Variants in PRSS3 observed in about 807,000 individuals in gnomAD.
The protein encoded by PRSS3 is trypsin-3.
In PRSS3, 14 loss-of-function variants were observed where a neutral mutation model predicts 20.8. The ratio of observed to expected loss-of-function variants is 0.67; its 90% CI spans 0.44 to 1.05. The LOEUF (loss-of-function observed/expected upper bound fraction) is 1.05. Among genes scored for constraint, PRSS3 ranks in the 50% least tolerant of loss-of-function variants. PRSS3 has a pLI of 0.00. For missense variants in PRSS3, 237 were observed against 306.4 expected, an observed-to-expected ratio of 0.77 and a Z score of 1.69; for synonymous variants, 91 against 117.6, an observed-to-expected ratio of 0.77 and a Z score of 1.46.
chr9:33,788,919 C>T, intron 1 of PRSS3, among the ~76,000 whole-genome samples: 1 of 152,192 alleles, frequency 6.6e-6, no homozygotes, highest in Non-Finnish European at 1.5e-5. Flanking sequence ...ATTCACACCT[C>T]AGCTCCAGTA....
At chr9:33,774,039 A>G (rs1461560903) in intron 1 of PRSS3, among the ~76,000 whole-genome samples, 6 of 152,220 alleles carry the variant, frequency 3.9e-5, no homozygotes, top group African/African-American at 1.2e-4. Flanking sequence ...ATATTAGGAA[A>G]CATTCCTTAA....
chr9:33,760,828 C>A (rs531357168), intron 1 of PRSS3, among the ~76,000 whole-genome samples: 1 of 151,698 alleles, frequency 6.6e-6, no homozygotes, highest in African/African-American at 2.4e-5. Flanking sequence ...TAGCAGCATT[C>A]AGGCTAGGAC....
rs1228540034 is a variant in PRSS3 at position 33,798,997 on chromosome 9, C to T, written c.592-31C>T. The T allele has an allele frequency of 9.3e-6, 15 of 1,610,474 alleles. No individual in the cohort carries two copies. The African/African-American group carries it at 1.6e-4, about 17-fold the overall frequency. ...AGCTATATTCCTCCTCCATCTCTCT[C>T]TTTATACAACTTGTCCCTTCTTCTC... On this transcript the variant is annotated intron_variant, in intron 4 of 4. Transcript: ENST00000379405.
chr9:33,756,774 A>C (rs1822970077), intron 1 of PRSS3, among the ~76,000 whole-genome samples: 1 of 152,112 alleles, frequency 6.6e-6, no homozygotes, highest in Admixed American at 6.5e-5. Flanking sequence ...TTTCTCTGAG[A>C]ATATTAACTC....
upstream of PRSS3, among the ~76,000 whole-genome samples, chr9:33,791,167 C>A (rs1824615568): frequency 6.6e-6 from 1 of 152,200 alleles, no homozygotes. Context: ...GTACACATGT[C>A]ATGTGCCAAT....
At chr9:33,750,682 T>C, upstream of PRSS3, 1 of 1,452,682 alleles carries the variant, frequency 6.9e-7, no homozygotes, top group Non-Finnish European at 9.0e-7. The surrounding 1 kb of genome is among the most constrained non-coding windows in gnomAD (Gnocchi z 4.8). Flanking sequence ...TGGACGCACT[T>C]GGCGAGCGGC....
At chr9:33,764,423 C>G (rs1823332693) in intron 1 of PRSS3, among the ~76,000 whole-genome samples, 1 of 152,164 alleles carries the variant, frequency 6.6e-6, no homozygotes, top group African/African-American at 2.4e-5. Context: ...ATCCCAGCTA[C>G]TCAGGAGGCT....
At chr9:33,777,833 A>G (rs1292133499) in intron 1 of PRSS3, among the ~76,000 whole-genome samples, 1 of 152,144 alleles carries the variant, frequency 6.6e-6, no homozygotes, top group African/African-American at 2.4e-5. Flanking sequence ...AAAAACATCT[A>G]TTAGTTGCAA....
intron 1 of PRSS3, among the ~76,000 whole-genome samples, chr9:33,784,468 G>A (rs1206742268): frequency 6.6e-6 from 1 of 152,182 alleles, no homozygotes; most frequent in Non-Finnish European, 1.5e-5. Flanking sequence ...TCCAATAGAT[G>A]TAAAGGCTTC....
chr9:33,756,660 T>C (rs1480762007), intron 1 of PRSS3, among the ~76,000 whole-genome samples: 2 of 152,230 alleles, frequency 1.3e-5, no homozygotes, highest in African/African-American at 4.8e-5. Flanking sequence ...CATTCTACCA[T>C]TACATTTTTA....
chr9:33,770,123 C>T (rs138269358), intron 1 of PRSS3, among the ~76,000 whole-genome samples: 39 of 143,712 alleles, frequency 2.7e-4, no homozygotes, highest in African/African-American at 9.2e-4. Context: ...CCAGCCTGGG[C>T]GACAAGGGTG....
intron 1 of PRSS3, among the ~76,000 whole-genome samples, chr9:33,771,733 T>C (rs10971695): frequency 0.71 from 105,347 of 147,758 alleles, 37,707 homozygotes; most frequent in East Asian, 0.81. Context: ...CTCAACCTCC[T>C]GAGTAGCTGG....
intron 1 of PRSS3, among the ~76,000 whole-genome samples, chr9:33,771,812 TG>T (rs1312055976): frequency 5.9e-5 from 9 of 151,388 alleles, no homozygotes; most frequent in African/African-American, 2.2e-4. Flanking sequence ...TTTGTTTTTT[TG>T]TTTTTTTGGT....
At chr9:33,782,559 T>G (rs1057270971) in intron 1 of PRSS3, among the ~76,000 whole-genome samples, 1 of 152,122 alleles carries the variant, frequency 6.6e-6, no homozygotes, top group Non-Finnish European at 1.5e-5. Context: ...ACACTTGGAG[T>G]ACTTTCACTA....
chr9:33,762,676 A>G (rs1161783271), intron 1 of PRSS3, among the ~76,000 whole-genome samples: 2 of 152,176 alleles, frequency 1.3e-5, no homozygotes, highest in East Asian at 3.8e-4. Context: ...TTCCTTACTG[A>G]CCAAACACAT....
chr9:33,791,684 T>C (rs1824636752), upstream of PRSS3, among the ~76,000 whole-genome samples: 1 of 152,184 alleles, frequency 6.6e-6, no homozygotes. Flanking sequence ...TAAGCAGCTC[T>C]AATAGGCCAA....
intron 1 of PRSS3, among the ~76,000 whole-genome samples, chr9:33,753,988 A>G (rs1191760136): frequency 6.6e-6 from 1 of 152,162 alleles, no homozygotes; most frequent in African/African-American, 2.4e-5. Context: ...TGCAGCAGAA[A>G]GACGGGCAGA....
intron 1 of PRSS3, among the ~76,000 whole-genome samples, chr9:33,784,264 G>T (rs1401760541): frequency 1.3e-5 from 2 of 152,076 alleles, no homozygotes; most frequent in African/African-American, 4.8e-5. Context: ...AAAGAATAGG[G>T]ATCATTTGTT....
intron 1 of PRSS3, among the ~76,000 whole-genome samples, chr9:33,771,140 C>G (rs1371559128): frequency 2.6e-5 from 4 of 152,040 alleles, no homozygotes; most frequent in African/African-American, 7.2e-5. Flanking sequence ...TCCCAAAGCC[C>G]TTTAGTCCTG....
Sources: allele counts gnomAD v4.1 joint callset (sites outside exome capture counted in the v4.1 genomes callset), GRCh38; gene constraint gnomAD v4.1.1; non-coding constraint Gnocchi (gnomAD v3.1); transcripts MANE v1.5; gene names NCBI Gene and HGNC (gene_info 2026-07-23, HGNC 2026-07-21).